MTM1: variants seen among roughly 807,000 people sequenced by gnomAD.
MTM1 encodes the protein myotubularin 1.
A neutral mutation model predicts 52.1 loss-of-function variants in MTM1; 9 were observed. That is an observed-to-expected ratio of 0.17 (90% CI 0.10 to 0.30). The LOEUF (loss-of-function observed/expected upper bound fraction) is 0.30, where lower values mean the gene tolerates loss of function less well. Among genes scored for constraint, MTM1 ranks in the 10% least tolerant of loss-of-function variants. The pLI, the probability that MTM1 is intolerant of heterozygous loss-of-function variation, is 1.00. For synonymous variants in MTM1, 136 were observed against 163.8 expected, an observed-to-expected ratio of 0.83 and a Z score of 1.29; for missense variants, 277 against 470.7, an observed-to-expected ratio of 0.59 and a Z score of 3.81.
chrX:150,665,706 T>C (rs2040294050), intron 14 of MTM1, among the ~76,000 whole-genome samples: 1 of 112,308 alleles, frequency 8.9e-6, no homozygotes, highest in Non-Finnish European at 1.9e-5. Flanking sequence ...GCAGGATTAG[T>C]GTGCTTTTAA....
chrX:150,625,612 T>C (rs1239286950), intron 6 of MTM1, among the ~76,000 whole-genome samples: 4 of 112,182 alleles, frequency 3.6e-5, no homozygotes, highest in African/African-American at 6.5e-5. Flanking sequence ...TGGTTTTCCA[T>C]GTTTTTCTTT....
intron 6 of MTM1, among the ~76,000 whole-genome samples, chrX:150,622,243 A>G (rs868929450): frequency 5.4e-5 from 6 of 110,525 alleles, no homozygotes; most frequent in Non-Finnish European, 1.1e-4. Context: ...GAAGTTTTGG[A>G]AGGTGACATT....
At chrX:150,628,762 T>G (rs923875405) in intron 6 of MTM1, among the ~76,000 whole-genome samples, 6 of 106,860 alleles carry the variant, frequency 5.6e-5, no homozygotes, top group Non-Finnish European at 1.2e-4. Flanking sequence ...TGAGACAGGG[T>G]CTTGCTCTGT....
At chrX:150,653,392 T>A (rs2040060036) in intron 10 of MTM1, among the ~76,000 whole-genome samples, 1 of 111,944 alleles carries the variant, frequency 8.9e-6, no homozygotes, top group African/African-American at 3.3e-5. Context: ...TTATCAGGAT[T>A]TGTGTGATGT....
At chrX:150,666,818 G>A (rs1234083994) in intron 14 of MTM1, among the ~76,000 whole-genome samples, 1 of 111,247 alleles carries the variant, frequency 9.0e-6, no homozygotes, top group Non-Finnish European at 1.9e-5. Flanking sequence ...CAGCCTAGTC[G>A]CCCTGGTCAG....
intron 10 of MTM1, among the ~76,000 whole-genome samples, chrX:150,655,577 C>T (rs782723454): frequency 7.1e-5 from 8 of 111,968 alleles, no homozygotes; most frequent in Non-Finnish European, 1.1e-4. Flanking sequence ...GAATGAAGTA[C>T]TGATTCGTGC....
upstream of MTM1, among the ~76,000 whole-genome samples, chrX:150,567,291 ACT>A (rs1452178783): frequency 9.0e-5 from 10 of 111,224 alleles, no homozygotes; most frequent in Admixed American, 9.5e-4. Flanking sequence ...AGAAGTCTAG[ACT>A]CTTCAATAAA....
chrX:150,614,785 A>C (rs1030377503), intron 5 of MTM1, 86 bp downstream of exon 5: 2 of 543,105 alleles, frequency 3.7e-6, no homozygotes, highest in Non-Finnish European at 6.2e-6. Context: ...TTTGAAAAAA[A>C]AAAATCAAAA....
chrX:150,568,851 A>G (rs1369235170), intron 1 of MTM1, among the ~76,000 whole-genome samples, 189 bp downstream of exon 1: 2 of 113,159 alleles, frequency 1.8e-5, no homozygotes, highest in East Asian at 5.6e-4. Context: ...GGCTGAGGCC[A>G]GGGAGCAGCA....
intron 6 of MTM1, among the ~76,000 whole-genome samples, chrX:150,631,479 A>G (rs2039665156): frequency 9.0e-6 from 1 of 110,509 alleles, no homozygotes; most frequent in Non-Finnish European, 1.9e-5. Context: ...CCTGGCCAAC[A>G]TGGTGAAACC....
At chrX:150,596,371 C>A in intron 2 of MTM1, 127 bp from the exon 3 acceptor site, 1 of 547,247 alleles carries the variant, frequency 1.8e-6, no homozygotes. Context: ...TGCCAGTTTT[C>A]CCAAATGCTA....
chrX:150,597,955 C>T (rs1557412641), intron 3 of MTM1, among the ~76,000 whole-genome samples: 1 of 110,491 alleles, frequency 9.1e-6, no homozygotes, highest in East Asian at 2.9e-4. Context: ...GGTGCAGTGG[C>T]GCATACCCAT....
chrX:150,664,893 C>A (rs949103792), intron 14 of MTM1, among the ~76,000 whole-genome samples: 4 of 112,220 alleles, frequency 3.6e-5, no homozygotes, highest in South Asian at 7.3e-4. Context: ...AATCTCTTCT[C>A]ACCCATTTGT....
Position 150,658,161 on chromosome X carries a change from C to T in MTM1, c.1260+134C>T, listed in dbSNP as rs144266984. On this transcript the variant is annotated intron_variant, in intron 11 of 14. Coordinates refer to ENST00000370396, the MANE Select transcript of MTM1 (RefSeq NM_000252.3). ...TAAAAACTTTACGCGTTTGAAAATG[C>T]ATGATGCCTTGGGTAGTGAAAGTCT... 0.021 allele frequency: 11,337 copies of T among 531,305 alleles called. 137 individuals are homozygous for T. The highest frequency in any genetic ancestry group is 0.027 in the Non-Finnish European group (8,670 of 315,727). 43.8% of individuals were successfully genotyped at this position (531,305 alleles called of 1,213,427 possible). A position where few individuals can be genotyped will look rare whatever the true frequency, so the allele number is the denominator to read the frequency against.
intron 10 of MTM1, among the ~76,000 whole-genome samples, chrX:150,651,661 G>A (rs1404697699): frequency 9.0e-6 from 1 of 111,440 alleles, no homozygotes; most frequent in African/African-American, 3.3e-5. Context: ...TTTCTGCAAA[G>A]TAGAACCCAA....
intron 7 of MTM1, among the ~76,000 whole-genome samples, chrX:150,640,753 G>C (rs898791753): frequency 9.0e-5 from 10 of 111,444 alleles, no homozygotes; most frequent in Middle Eastern, 4.6e-3. Context: ...CTCCCCAGAG[G>C]GATCTTCCTT....
intron 6 of MTM1, among the ~76,000 whole-genome samples, chrX:150,620,775 G>A (rs782760054): frequency 9.0e-6 from 1 of 111,488 alleles, no homozygotes; most frequent in South Asian, 3.8e-4. Context: ...TTGTCCTTGA[G>A]TGAGTCCAAT....
chrX:150,659,810 T>C, intron 12 of MTM1, 54 bp downstream of exon 12: 1 of 987,012 alleles, frequency 1.0e-6, no homozygotes, highest in Non-Finnish European at 1.4e-6. Context: ...AATTAAACAT[T>C]TTAATATAAT....
At chrX:150,581,345 T>C (rs1433921561) in intron 1 of MTM1, among the ~76,000 whole-genome samples, 1 of 112,226 alleles carries the variant, frequency 8.9e-6, no homozygotes, top group Admixed American at 9.5e-5. Flanking sequence ...CTCAGCTATA[T>C]ATGATCTGAC....
Sources: gnomAD v4.1 joint callset for allele counts (sites outside exome capture counted in the v4.1 genomes callset) on GRCh38, gnomAD v4.1.1 for gene constraint, MANE v1.5 for transcripts, NCBI Gene and HGNC (gene_info 2026-07-23, HGNC 2026-07-21) for gene names.